The following ME3 variants were observed in gnomAD, a reference collection of about 807,000 sequenced individuals.
ME3 encodes the protein malic enzyme 3.
In ME3, 48 loss-of-function variants were observed where a neutral mutation model predicts 68.9. The ratio of observed to expected loss-of-function variants is 0.70; its 90% CI spans 0.55 to 0.89. The LOEUF is 0.89. Among genes scored for constraint, ME3 ranks in the 40% least tolerant of loss-of-function variants. The pLI is 0.00. For missense variants in ME3, 675 were observed against 797.4 expected, an observed-to-expected ratio of 0.85 and a Z score of 1.85; for synonymous variants, 320 against 318.8, an observed-to-expected ratio of 1.00 and a Z score of -0.04.
At chr11:86,633,629 C>T (rs1944151942) in intron 2 of ME3, among the ~76,000 whole-genome samples, 1 of 152,196 alleles carries the variant, frequency 6.6e-6, no homozygotes, top group Non-Finnish European at 1.5e-5. Context: ...AAGGTACTCT[C>T]ATGGGTGTCT....
intron 2 of ME3, among the ~76,000 whole-genome samples, chr11:86,593,751 A>AAT (rs1415918664): frequency 6.8e-6 from 1 of 146,640 alleles, no homozygotes; most frequent in Non-Finnish European, 1.5e-5. Context: ...CTATGTATAA[A>AAT]ATTTTTTAGT....
chr11:86,637,700 C>A (rs1349842938), intron 2 of ME3, among the ~76,000 whole-genome samples: 1 of 151,948 alleles, frequency 6.6e-6, no homozygotes, highest in African/African-American at 2.4e-5. Context: ...GGAGGAAGCA[C>A]AGGAAACTTT....
At chr11:86,597,913 G>C (rs1368725891) in intron 2 of ME3, among the ~76,000 whole-genome samples, 1 of 152,054 alleles carries the variant, frequency 6.6e-6, no homozygotes, top group Non-Finnish European at 1.5e-5. Flanking sequence ...TCTATAGGCA[G>C]ATTTAAAATG....
At chr11:86,656,336 C>G (rs1188622701) in intron 2 of ME3, among the ~76,000 whole-genome samples, 1 of 151,758 alleles carries the variant, frequency 6.6e-6, no homozygotes, top group African/African-American at 2.4e-5. Context: ...ATAGCAAAGA[C>G]TTGGAACCAA....
intron 2 of ME3, among the ~76,000 whole-genome samples, chr11:86,602,245 C>G (rs1342943406): frequency 6.7e-6 from 1 of 148,932 alleles, no homozygotes; most frequent in Non-Finnish European, 1.5e-5. Context: ...TGATAGGCAA[C>G]TTCTGCAAAG....
At chr11:86,645,653 G>A (rs542867317) in intron 2 of ME3, among the ~76,000 whole-genome samples, 142 of 152,262 alleles carry the variant, frequency 9.3e-4, no homozygotes, top group African/African-American at 3.2e-3. Context: ...CCTGCCTGCC[G>A]GCTCTGAAGA....
At chr11:86,590,803 A>G (rs1285889821) in intron 2 of ME3, among the ~76,000 whole-genome samples, 1 of 152,226 alleles carries the variant, frequency 6.6e-6, no homozygotes, top group African/African-American at 2.4e-5. Flanking sequence ...TACTGAAGGC[A>G]ATGGCAAAGG....
intron 6 of ME3, among the ~76,000 whole-genome samples, chr11:86,496,884 GA>G (rs71040242): frequency 0.33 from 48,789 of 149,300 alleles, 7,956 homozygotes; most frequent in African/African-American, 0.34. Context: ...TAAGTGCGTG[GA>G]AAAAAAAAAG....
Position 86,475,238 on chromosome 11 carries a change from A to T in ME3, c.810-10038T>A, listed in dbSNP as rs1950994630. ...CATCCCTCTGGGTACTGTCCTCGTGATAGTGAGTTGTCATGAGGTCTGGTT... is the reference window on the plus strand; with the variant it reads ...CATCCCTCTGGGTACTGTCCTCGTGTTAGTGAGTTGTCATGAGGTCTGGTT... On this transcript the variant is annotated intron_variant, in intron 7 of 14. Transcript: ENST00000543262. Among the ~76,000 whole-genome samples the T allele has an allele frequency of 2.6e-5, 4 of 152,108 alleles. No individual in the cohort carries two copies. The South Asian group carries it at 8.3e-4, about 32-fold the overall frequency.
At chr11:86,632,083 G>T (rs1164452871) in intron 2 of ME3, among the ~76,000 whole-genome samples, 2 of 152,150 alleles carry the variant, frequency 1.3e-5, no homozygotes, top group Non-Finnish European at 2.9e-5. Context: ...AAGAAACTGA[G>T]GCTTAAAGAG....
chr11:86,572,597 G>A (rs1449914945), intron 2 of ME3, among the ~76,000 whole-genome samples: 1 of 152,108 alleles, frequency 6.6e-6, no homozygotes, highest in Admixed American at 6.6e-5. Context: ...TCATGTCTCT[G>A]CAAAGGATAT....
intron 4 of ME3, among the ~76,000 whole-genome samples, chr11:86,530,288 C>A (rs1015939538): frequency 3.3e-5 from 5 of 152,150 alleles, no homozygotes; most frequent in African/African-American, 1.2e-4. Flanking sequence ...ATCCAACTTA[C>A]AAGGGACATG....
chr11:86,494,917 G>A (rs905929001), intron 6 of ME3, among the ~76,000 whole-genome samples: 1 of 152,012 alleles, frequency 6.6e-6, no homozygotes. Flanking sequence ...TTACACCTAG[G>A]TAATAACTAT....
intron 7 of ME3, among the ~76,000 whole-genome samples, chr11:86,468,601 TTAAAC>T (rs922420231): frequency 2.6e-5 from 4 of 152,354 alleles, no homozygotes; most frequent in East Asian, 1.9e-4. Context: ...TGCCAACTCT[TTAAAC>T]TAATTAAAAA....
chr11:86,458,440 T>G (rs562579790), intron 8 of ME3, among the ~76,000 whole-genome samples: 73 of 152,156 alleles, frequency 4.8e-4, no homozygotes, highest in South Asian at 1.0e-3. Context: ...TAGGCCTGTT[T>G]TGCCACAATT....
At chr11:86,668,061 C>A (rs1265904360) in intron 2 of ME3, 1 of 151,986 alleles carries the variant, frequency 6.6e-6, no homozygotes, top group Non-Finnish European at 1.5e-5. Flanking sequence ...CTGGAGGGAG[C>A]TTGGAATCAT....
chr11:86,560,744 G>GTGTA (rs1957177696), intron 2 of ME3, among the ~76,000 whole-genome samples: 5 of 66,908 alleles, frequency 7.5e-5, no homozygotes, highest in African/African-American at 1.3e-4. Flanking sequence ...GTGTGTGTGT[G>GTGTA]TGTGTATATA....
chr11:86,486,725 C>T (rs1565846093), intron 7 of ME3, among the ~76,000 whole-genome samples: 2 of 152,210 alleles, frequency 1.3e-5, no homozygotes, highest in Non-Finnish European at 2.9e-5. Context: ...GTCATCAGGC[C>T]TCCATCCCAG....
chr11:86,614,004 T>TCTA (rs1329657068), intron 2 of ME3, among the ~76,000 whole-genome samples: 1 of 152,180 alleles, frequency 6.6e-6, no homozygotes, highest in African/African-American at 2.4e-5. Context: ...AGAGAGCCTG[T>TCTA]ATAGTCAAGA....
Sources: gnomAD v4.1 joint callset for allele counts (sites outside exome capture counted in the v4.1 genomes callset) on GRCh38, gnomAD v4.1.1 for gene constraint, MANE v1.5 for transcripts, NCBI Gene and HGNC (gene_info 2026-07-23, HGNC 2026-07-21) for gene names.